The following RHOBTB1 variants were observed in gnomAD, a reference collection of about 807,000 sequenced individuals.
The protein encoded by RHOBTB1 is Rho related BTB domain containing 1.
A neutral mutation model predicts 71.6 loss-of-function variants in RHOBTB1; 40 were observed. That is an observed-to-expected ratio of 0.56 (90% confidence interval 0.43 to 0.73). The LOEUF (loss-of-function observed/expected upper bound fraction) is 0.73. Among genes scored for constraint, RHOBTB1 ranks in the 30% least tolerant of loss-of-function variants. The pLI is 0.00. For synonymous variants in RHOBTB1, 319 were observed against 334.9 expected (o/e 0.95, Z 0.52); for missense variants, 797 against 894.0 (o/e 0.89, Z 1.38).
chr10:60,935,708 T>C (rs2084539843), intron 2 of RHOBTB1, among the ~76,000 whole-genome samples: 1 of 152,186 alleles, frequency 6.6e-6, no homozygotes, highest in South Asian at 2.1e-4. Context: ...ATTACATAAA[T>C]TTACAATTAA....
chr10:60,993,661 C>G (rs911746104), intron 1 of RHOBTB1, among the ~76,000 whole-genome samples: 6 of 151,904 alleles, frequency 3.9e-5, no homozygotes, highest in Non-Finnish European at 8.8e-5. Context: ...TTTTTTCTTA[C>G]CTATTTGAAA....
chr10:60,958,147 C>G (rs1451414854), intron 2 of RHOBTB1, among the ~76,000 whole-genome samples: 2 of 152,106 alleles, frequency 1.3e-5, no homozygotes, highest in Admixed American at 6.6e-5. Flanking sequence ...AGTCAAGCAC[C>G]TCTAAAGGAA....
At chr10:60,923,906 T>C (rs1002953320) in intron 2 of RHOBTB1, among the ~76,000 whole-genome samples, 5 of 152,224 alleles carry the variant, frequency 3.3e-5, no homozygotes, top group African/African-American at 4.8e-5. Context: ...AAACCTCATT[T>C]TCTCTATAAA....
At chr10:60,933,020 C>T (rs1449083815) in intron 2 of RHOBTB1, among the ~76,000 whole-genome samples, 1 of 152,200 alleles carries the variant, frequency 6.6e-6, no homozygotes, top group African/African-American at 2.4e-5. Flanking sequence ...ATCATATGCT[C>T]GTTAGGACTA....
At chr10:60,878,278 T>A (rs12266720) in intron 7 of RHOBTB1, among the ~76,000 whole-genome samples, 54 of 152,162 alleles carry the variant, frequency 3.5e-4, no homozygotes, top group African/African-American at 1.3e-3. Flanking sequence ...CACAGCCTGA[T>A]GTGGAATTTT....
chr10:60,996,590 G>A (rs1168182066), intron 1 of RHOBTB1, among the ~76,000 whole-genome samples: 1 of 152,106 alleles, frequency 6.6e-6, no homozygotes, highest in Non-Finnish European at 1.5e-5. Flanking sequence ...GGATGGTTAT[G>A]CGAGGGCTGT....
At chr10:60,972,277 G>A (rs1589440360) in intron 2 of RHOBTB1, among the ~76,000 whole-genome samples, 1 of 152,040 alleles carries the variant, frequency 6.6e-6, no homozygotes, top group Non-Finnish European at 1.5e-5. Context: ...GCAAAGACTT[G>A]GAACCAACCC....
intron 1 of RHOBTB1, among the ~76,000 whole-genome samples, chr10:60,997,116 C>T (rs1305051330): frequency 1.3e-5 from 2 of 150,734 alleles, no homozygotes; most frequent in Non-Finnish European, 3.0e-5. Flanking sequence ...GCTTTTGCTA[C>T]AATGAAACAA....
intron 1 of RHOBTB1, among the ~76,000 whole-genome samples, chr10:60,997,788 T>A (rs2087108863): frequency 6.6e-6 from 1 of 152,242 alleles, no homozygotes; most frequent in Non-Finnish European, 1.5e-5. Context: ...GATGTTCTAA[T>A]GCTGCTACTC....
intron 4 of RHOBTB1, among the ~76,000 whole-genome samples, chr10:60,896,528 C>T (rs569488417): frequency 1.3e-5 from 2 of 152,200 alleles, no homozygotes; most frequent in Admixed American, 1.3e-4. Flanking sequence ...AACTCCAGAA[C>T]CTGAATACTG....
rs112661265 is a variant in RHOBTB1, at chr10:60,894,600, T to C, written c.297-1605A>G. On this transcript the variant is annotated intron_variant, in intron 4 of 10. Coordinates refer to ENST00000337910, the MANE Select transcript of RHOBTB1 (RefSeq NM_014836.5). ...AATTTTACATTTTTTATGGGCTGAG[T>C]TTTCTATTATTCATAATCATATTTA... Among the ~76,000 whole-genome samples the C allele has an allele frequency of 1.7e-3, 255 of 152,000 alleles. 1 individual carries two copies. The highest frequency in any genetic ancestry group is 5.7e-3 in the African/African-American group (237 of 41,294).
rs112737716 is a variant in RHOBTB1, at chr10:60,937,718, C to T, written c.-11+4086G>A. On this transcript the variant is annotated intron_variant, in intron 2 of 10. Transcript: ENST00000337910. ...GCCACTGGAACCCAGAGAGACCACTCGGCCTGTTGTGTTCAAGAAAAAAAG... is the reference window on the plus strand; with the variant it reads ...GCCACTGGAACCCAGAGAGACCACTTGGCCTGTTGTGTTCAAGAAAAAAAG... Among the ~76,000 whole-genome samples the T allele has an allele frequency of 7.8e-3, 1,186 of 152,250 alleles. 10 individuals are homozygous for T. The highest frequency in any genetic ancestry group is 0.013 in the Non-Finnish European group (902 of 68,022).
intron 2 of RHOBTB1, among the ~76,000 whole-genome samples, chr10:60,953,947 A>G (rs1318156353): frequency 6.9e-6 from 1 of 145,652 alleles, no homozygotes; most frequent in Non-Finnish European, 1.5e-5. Flanking sequence ...TAAGTTATAT[A>G]AAGTGTAATT....
chr10:60,950,441 A>C (rs1170739716), intron 2 of RHOBTB1, among the ~76,000 whole-genome samples: 2 of 152,224 alleles, frequency 1.3e-5, no homozygotes, highest in Admixed American at 6.5e-5. Flanking sequence ...CACCTGTTTC[A>C]TATAACTTTC....
At chr10:60,987,223 C>A (rs1269618418) in intron 1 of RHOBTB1, among the ~76,000 whole-genome samples, 4 of 152,194 alleles carry the variant, frequency 2.6e-5, no homozygotes, top group Non-Finnish European at 2.9e-5. Flanking sequence ...TCTCAAGAAA[C>A]TCCCCTGAAT....
At position 60,874,944 on chromosome 10, in the gene RHOBTB1, T is replaced by C; in HGVS notation, c.1815+10A>G. The C allele has an allele frequency of 6.3e-7, 1 of 1,598,046 alleles. No individual in the cohort carries two copies. Among genetic ancestry groups the C allele is most frequent in the Non-Finnish European group, 8.6e-7 (1 of 1,165,336 alleles). On this transcript the variant is annotated intron_variant, in intron 9 of 10. Coordinates refer to ENST00000337910, the MANE Select transcript of RHOBTB1 (RefSeq NM_014836.5). ...CACACTTAAAAGGTAAAAAGCAAAC[T>C]GTTACAAACCTGAGCCAATTCCAAG...
At chr10:60,949,452 T>C (rs2085339742) in intron 2 of RHOBTB1, among the ~76,000 whole-genome samples, 1 of 152,212 alleles carries the variant, frequency 6.6e-6, no homozygotes, top group African/African-American at 2.4e-5. Context: ...TTTTGACTAC[T>C]TGGGAATTAT....
intron 7 of RHOBTB1, among the ~76,000 whole-genome samples, chr10:60,881,524 C>T (rs921681921): frequency 3.9e-5 from 6 of 152,182 alleles, no homozygotes; most frequent in African/African-American, 9.6e-5. Context: ...CTCGTGATAG[C>T]GCAAGAGCCT....
intron 4 of RHOBTB1, among the ~76,000 whole-genome samples, chr10:60,907,242 A>G (rs1443083705): frequency 6.6e-6 from 1 of 152,214 alleles, no homozygotes; most frequent in Non-Finnish European, 1.5e-5. Context: ...CAGGGACTGA[A>G]GGGCCAGATT....
Sources: gnomAD v4.1 joint callset for allele counts (sites outside exome capture counted in the v4.1 genomes callset) on GRCh38, gnomAD v4.1.1 for gene constraint, MANE v1.5 for transcripts, NCBI Gene and HGNC (gene_info 2026-07-23, HGNC 2026-07-21) for gene names.